Variants in GRIA2 observed in about 807,000 individuals in gnomAD.
The protein encoded by GRIA2 is glutamate receptor 2.
Under a neutral mutation model 97.3 loss-of-function variants are expected in GRIA2, and 14 were observed. That is an observed-to-expected ratio of 0.14 (90% CI 0.10 to 0.23). The LOEUF (loss-of-function observed/expected upper bound fraction) is 0.23. GRIA2 is among the 10% of genes least tolerant of loss of function. The pLI, the probability that GRIA2 is intolerant of heterozygous loss-of-function variation, is 1.00. For missense variants in GRIA2, 558 were observed against 1,069.8 expected (o/e 0.52, Z 6.67); for synonymous variants, 412 against 387.8 (o/e 1.06, Z -0.73).
At position 157,361,199 on chromosome 4, in the gene GRIA2, A is replaced by G; in HGVS notation, c.2406+75A>G. 1 of 1,114,450 alleles carries G rather than the reference A, an allele frequency of 9.0e-7. No individual in the cohort carries two copies. Among genetic ancestry groups the G allele is most frequent in the African/African-American group, 1.5e-5 (1 of 64,862 alleles). The allele number at this position is 1,114,450 out of a possible 1,614,324, so 69.0% of individuals were successfully genotyped here. On this transcript the variant is annotated intron_variant, in intron 14 of 15. Transcript: ENST00000264426. The surrounding 1 kb of genome is among the most constrained non-coding windows in gnomAD (Gnocchi z 5.2). ...AGCAGCAGCTATGCACAGTGTGGGC[A>G]CTCCGTGCCACCAAGTTTCCAACGC...
intron 3 of GRIA2, among the ~76,000 whole-genome samples, chr4:157,312,294 G>A (rs1364082601): frequency 2.6e-5 from 4 of 152,026 alleles, no homozygotes; most frequent in Non-Finnish European, 4.4e-5. Context: ...TATCATGTAT[G>A]ACTAAACAAT....
chr4:157,289,239 A>G (rs1045043496), intron 2 of GRIA2, among the ~76,000 whole-genome samples: 1 of 151,930 alleles, frequency 6.6e-6, no homozygotes, highest in Non-Finnish European at 1.5e-5. Context: ...TTTCCAGAAT[A>G]ATGTGGACAT....
At chr4:157,229,986 G>T (rs1044204605) in intron 2 of GRIA2, among the ~76,000 whole-genome samples, 1 of 151,988 alleles carries the variant, frequency 6.6e-6, no homozygotes, top group African/African-American at 2.4e-5. Context: ...TATAAACTAA[G>T]TATATTCTAT....
rs1735137503 is a variant in GRIA2 at position 157,333,261 on chromosome 4, G to A, written c.1063G>A (p.Gly355Ser). Residue 355 changes from glycine (G) to serine (S), a missense_variant, in exon 8 of 16, where the codon GGT becomes AGT. By Grantham distance (56) the Gly-to-Ser change is moderately conservative. Coordinates refer to ENST00000264426, the MANE Select transcript of GRIA2 (RefSeq NM_001083619.3). The part of the protein sequence containing the change: ...ERALKQVQVE[G>S]LSGNIKFDQN... Reference sequence around the variant, plus strand: ...ATTTCTTCATTAGGTTCAGGTTGAAGGTCTCTCAGGAAATATAAAGTTTGA... The same window carrying A: ...ATTTCTTCATTAGGTTCAGGTTGAAAGTCTCTCAGGAAATATAAAGTTTGA... 1.3e-6 allele frequency: 2 copies of A among 1,570,774 alleles called. No homozygotes were observed. The highest frequency in any genetic ancestry group is 1.7e-5 in the Admixed American group (1 of 57,692).
chr4:157,357,464 C>G (rs768770674), intron 12 of GRIA2, among the ~76,000 whole-genome samples: 9 of 152,054 alleles, frequency 5.9e-5, no homozygotes, highest in Non-Finnish European at 1.0e-4. Flanking sequence ...AATTGTCTAT[C>G]TTACAGAAAT....
At chr4:157,316,970 C>T (rs993608403) in intron 4 of GRIA2, among the ~76,000 whole-genome samples, 2 of 152,136 alleles carry the variant, frequency 1.3e-5, no homozygotes, top group Admixed American at 6.5e-5. Flanking sequence ...AGCATTACAA[C>T]GATGACCACT....
At chr4:157,236,940 C>G (rs1730278706) in intron 2 of GRIA2, among the ~76,000 whole-genome samples, 1 of 152,054 alleles carries the variant, frequency 6.6e-6, no homozygotes, top group African/African-American at 2.4e-5. Context: ...TCTTTTTAAC[C>G]TGTTTATCGC....
chr4:157,340,212 A>G lies in GRIA2; in HGVS notation c.1845-1052A>G, dbSNP rs534524272. On this transcript the variant is annotated intron_variant, in intron 11 of 15. Transcript: ENST00000264426. ...TTTAGATCACAAATTGCCAATCATG[A>G]TCTAAATTTTTAGAACTATCACTTG... Among the ~76,000 whole-genome samples the G allele has an allele frequency of 3.3e-5, 5 of 152,022 alleles. No individual in the cohort carries two copies. In the South Asian group the frequency reaches 1.0e-3, roughly 32 times the overall value.
intron 10 of GRIA2, 33 bp downstream of exon 10, chr4:157,335,910 T>A (rs1171083502): frequency 3.7e-6 from 5 of 1,364,866 alleles, no homozygotes; most frequent in Admixed American, 1.8e-5. Flanking sequence ...ATAAAGTCAT[T>A]CAATTTGAAT....
intron 2 of GRIA2, among the ~76,000 whole-genome samples, chr4:157,255,710 A>G (rs1175104701): frequency 6.6e-6 from 1 of 151,972 alleles, no homozygotes; most frequent in Non-Finnish European, 1.5e-5. Context: ...GGGAGAAAAT[A>G]TTTGCAAACT....
chr4:157,227,327 A>G (rs1250441265), intron 2 of GRIA2, among the ~76,000 whole-genome samples: 1 of 152,176 alleles, frequency 6.6e-6, no homozygotes, highest in African/African-American at 2.4e-5. Flanking sequence ...ATCTCTTCCA[A>G]TAACACTTAG....
chr4:157,339,087 TAA>T (rs1735432718), intron 11 of GRIA2, among the ~76,000 whole-genome samples: 1 of 151,988 alleles, frequency 6.6e-6, no homozygotes, highest in African/African-American at 2.4e-5. Context: ...TTTCTGAAAT[TAA>T]GTTTAGAATA....
chr4:157,299,593 C>G (rs893579970), intron 2 of GRIA2, among the ~76,000 whole-genome samples: 1 of 152,122 alleles, frequency 6.6e-6, no homozygotes, highest in Non-Finnish European at 1.5e-5. Flanking sequence ...ATTAGCAGCA[C>G]CAATGAGCAG....
chr4:157,253,942 A>T (rs1387732926), intron 2 of GRIA2, among the ~76,000 whole-genome samples: 1 of 152,124 alleles, frequency 6.6e-6, no homozygotes, highest in Non-Finnish European at 1.5e-5. Flanking sequence ...CAGGTAACAT[A>T]AATCTTTTTC....
At chr4:157,256,744 C>T (rs1401455236) in intron 2 of GRIA2, among the ~76,000 whole-genome samples, 1 of 151,856 alleles carries the variant, frequency 6.6e-6, no homozygotes, top group East Asian at 1.9e-4. Context: ...AGGGAAATTA[C>T]AAAAACTTTT....
intron 11 of GRIA2, among the ~76,000 whole-genome samples, chr4:157,339,832 G>A (rs1735470511): frequency 1.3e-5 from 2 of 151,774 alleles, no homozygotes; most frequent in South Asian, 4.1e-4. Flanking sequence ...TTTTGAGAGT[G>A]ATTTTGTCTA....
intron 2 of GRIA2, among the ~76,000 whole-genome samples, chr4:157,234,313 T>C (rs1350385414): frequency 1.3e-5 from 2 of 152,082 alleles, no homozygotes; most frequent in Non-Finnish European, 2.9e-5. Context: ...AATAGTTTTC[T>C]CTATGTAATT....
At chr4:157,282,842 G>A (rs1732669148) in intron 2 of GRIA2, among the ~76,000 whole-genome samples, 1 of 152,024 alleles carries the variant, frequency 6.6e-6, no homozygotes, top group African/African-American at 2.4e-5. Flanking sequence ...CAGAAAATAT[G>A]TATGAGCCGA....
intron 2 of GRIA2, among the ~76,000 whole-genome samples, chr4:157,300,777 G>A (rs911183104): frequency 6.6e-6 from 1 of 152,076 alleles, no homozygotes; most frequent in African/African-American, 2.4e-5. Flanking sequence ...TGAGTTAGGT[G>A]GATCATTCCT....
Sources: allele counts gnomAD v4.1 joint callset (sites outside exome capture counted in the v4.1 genomes callset), GRCh38; gene constraint gnomAD v4.1.1; non-coding constraint Gnocchi (gnomAD v3.1); transcripts MANE v1.5; gene names NCBI Gene and HGNC (gene_info 2026-07-23, HGNC 2026-07-21).